The following TMEM117 variants were observed in gnomAD, a reference collection of about 807,000 sequenced individuals.
The protein encoded by TMEM117 is transmembrane protein 117.
TMEM117 carries 27 observed loss-of-function variants against 52.4 expected under a neutral mutation model. The ratio of observed to expected loss-of-function variants is 0.51; its 90% CI spans 0.38 to 0.71. The LOEUF (loss-of-function observed/expected upper bound fraction) is 0.71, where lower values mean the gene tolerates loss of function less well. TMEM117 is among the 30% of genes least tolerant of loss of function. The pLI is 0.00. For synonymous variants in TMEM117, 215 were observed against 206.3 expected, an observed-to-expected ratio of 1.04 and a Z score of -0.36; for missense variants, 556 against 630.5, an observed-to-expected ratio of 0.88 and a Z score of 1.26.
intron 3 of TMEM117, among the ~76,000 whole-genome samples, chr12:43,951,949 G>T (rs779816507): frequency 6.6e-6 from 1 of 152,170 alleles, no homozygotes; most frequent in Admixed American, 6.6e-5. Flanking sequence ...GGAGCAGGCC[G>T]CAATCTTTGC....
chr12:44,085,361 A>G (rs556169985), intron 3 of TMEM117, among the ~76,000 whole-genome samples: 1 of 152,300 alleles, frequency 6.6e-6, no homozygotes, highest in South Asian at 2.1e-4. Flanking sequence ...TTATAACCAC[A>G]GATTAAGAAA....
At chr12:44,278,658 T>G (rs550729324) in intron 5 of TMEM117, among the ~76,000 whole-genome samples, 1 of 152,338 alleles carries the variant, frequency 6.6e-6, no homozygotes, top group African/African-American at 2.4e-5. Context: ...GGATCTCTTT[T>G]CTGTAACATT....
intron 3 of TMEM117, among the ~76,000 whole-genome samples, chr12:44,035,800 C>T (rs1946701302): frequency 1.3e-5 from 2 of 151,994 alleles, no homozygotes; most frequent in African/African-American, 4.8e-5. Flanking sequence ...TGAGGTTACA[C>T]CAGGGAGAGA....
chr12:43,943,429 A>T (rs2137613405), intron 2 of TMEM117, among the ~76,000 whole-genome samples: 1 of 152,000 alleles, frequency 6.6e-6, no homozygotes, highest in South Asian at 2.1e-4. Flanking sequence ...AAATCAAAAC[A>T]TTTCTCTGAT....
At chr12:43,948,866 C>A (rs1193407033) in intron 3 of TMEM117, among the ~76,000 whole-genome samples, 1 of 152,118 alleles carries the variant, frequency 6.6e-6, no homozygotes, top group Non-Finnish European at 1.5e-5. Context: ...GCAGAAGGAT[C>A]TGAAAACTCG....
At chr12:43,981,807 G>C (rs1945765594) in intron 3 of TMEM117, among the ~76,000 whole-genome samples, 1 of 152,042 alleles carries the variant, frequency 6.6e-6, no homozygotes. Context: ...AAAAAATGTA[G>C]GTATCATAGA....
At chr12:44,269,137 T>A (rs919010022) in intron 5 of TMEM117, among the ~76,000 whole-genome samples, 2 of 152,216 alleles carry the variant, frequency 1.3e-5, no homozygotes, top group Non-Finnish European at 2.9e-5. Flanking sequence ...CCTTTCTCTA[T>A]TGTCTGACAT....
rs546189286 is a variant in TMEM117 at position 43,901,269 on chromosome 12, A to G, written c.278-42941A>G. The stretch of plus-strand genomic sequence containing the variant: ...TTTTCTCCAGATGCTTTCTTTTTCA[A>G]CAATAGATCATTCATTTGCCCCGTT... On this transcript the variant is annotated intron_variant, in intron 2 of 7. Transcript: ENST00000266534. 1.3e-3 allele frequency among the ~76,000 whole-genome samples: 201 copies of G among 152,236 alleles called. 1 individual carries two copies. The highest frequency in any genetic ancestry group is 4.6e-3 in the African/African-American group (192 of 41,560).
At chr12:44,314,633 T>C (rs117906378) in intron 6 of TMEM117, among the ~76,000 whole-genome samples, 7,109 of 151,176 alleles carry the variant, frequency 0.047, 341 homozygotes, top group African/African-American at 0.12. Flanking sequence ...GTGGCGCAAT[T>C]TCAGCTCACT....
intron 3 of TMEM117, among the ~76,000 whole-genome samples, chr12:44,097,004 A>C (rs1302124919): frequency 1.3e-5 from 2 of 152,174 alleles, no homozygotes; most frequent in Non-Finnish European, 2.9e-5. Context: ...CAATGAACTC[A>C]AACAAATTTA....
chr12:44,160,399 C>A (rs1029652599), intron 4 of TMEM117, among the ~76,000 whole-genome samples: 1 of 152,058 alleles, frequency 6.6e-6, no homozygotes, highest in East Asian at 1.9e-4. Flanking sequence ...GCAGTACGAT[C>A]CACCAATGAA....
rs141870508 is a variant in TMEM117, at chr12:44,095,104, G to A, written c.411-48421G>A. 5.7e-4 allele frequency among the ~76,000 whole-genome samples: 86 copies of A among 152,136 alleles called. No individual in the cohort carries two copies. The East Asian group carries it at 0.016, about 28-fold the overall frequency. ...CATGATACCACTACAACTTGTTCTTGCTGCTTCTGTAGTGAAAAGCACTGT... is the reference window on the plus strand; with the variant it reads ...CATGATACCACTACAACTTGTTCTTACTGCTTCTGTAGTGAAAAGCACTGT... On this transcript the variant is annotated intron_variant, in intron 3 of 7. Transcript: ENST00000266534.
intron 3 of TMEM117, among the ~76,000 whole-genome samples, chr12:43,981,355 A>C (rs192940589): frequency 1.3e-5 from 2 of 152,200 alleles, no homozygotes; most frequent in Non-Finnish European, 2.9e-5. Context: ...AAGAGCTGTC[A>C]TGTATAATTG....
intron 5 of TMEM117, among the ~76,000 whole-genome samples, chr12:44,232,308 G>A (rs1949943768): frequency 6.6e-6 from 1 of 151,526 alleles, no homozygotes; most frequent in Non-Finnish European, 1.5e-5. Context: ...TGCAGCAGAA[G>A]TAAACTTTTA....
At chr12:44,059,955 G>A (rs1032019504) in intron 3 of TMEM117, among the ~76,000 whole-genome samples, 1 of 152,206 alleles carries the variant, frequency 6.6e-6, no homozygotes, top group Admixed American at 6.6e-5. Flanking sequence ...ATGAATAGCT[G>A]TATGATTCTG....
At position 43,920,161 on chromosome 12, in the gene TMEM117, C is replaced by T. The variant is rs549744744; in HGVS notation, c.278-24049C>T. ...TCTCTGACCTCTCTCTCCTTACACTCAACAGGATAACAGCTACCAAATTTT... is the reference window on the plus strand; with the variant it reads ...TCTCTGACCTCTCTCTCCTTACACTTAACAGGATAACAGCTACCAAATTTT... On this transcript the variant is annotated intron_variant, in intron 2 of 7. Coordinates refer to ENST00000266534, the MANE Select transcript of TMEM117 (RefSeq NM_032256.3). Among the ~76,000 whole-genome samples, 155 of 152,218 alleles carry T rather than the reference C, an allele frequency of 1.0e-3. 1 individual carries two copies. The highest frequency in any genetic ancestry group is 3.3e-3 in the African/African-American group (136 of 41,524).
At chr12:44,089,188 G>T (rs544608550) in intron 3 of TMEM117, among the ~76,000 whole-genome samples, 1 of 152,250 alleles carries the variant, frequency 6.6e-6, no homozygotes, top group East Asian at 1.9e-4. Context: ...TGAAATGAAT[G>T]AAAAGGAAGG....
At chr12:43,821,063 C>A in the TMEM117 span, among the ~76,000 whole-genome samples, 1 of 149,292 alleles carries the variant, frequency 6.7e-6, no homozygotes, top group Non-Finnish European at 1.5e-5. Flanking sequence ...CCACTGCACT[C>A]TAGCCTGGGC....
chr12:44,054,275 T>C (rs1164282639), intron 3 of TMEM117, among the ~76,000 whole-genome samples: 3 of 152,242 alleles, frequency 2.0e-5, no homozygotes, highest in East Asian at 1.9e-4. Context: ...GAATAACTTA[T>C]CTAGTAATTT....
Sources: allele counts gnomAD v4.1 joint callset (sites outside exome capture counted in the v4.1 genomes callset), GRCh38; gene constraint gnomAD v4.1.1; transcripts MANE v1.5; gene names NCBI Gene and HGNC (gene_info 2026-07-23, HGNC 2026-07-21).